Variants in VRK2 observed in about 807,000 individuals in gnomAD.
VRK2 encodes VRK serine/threonine kinase 2, also known as serine/threonine-protein kinase VRK2.
VRK2 carries 60 observed loss-of-function variants against 57.6 expected under a neutral mutation model. The ratio of observed to expected loss-of-function variants is 1.04; its 90% CI spans 0.85 to 1.29. The LOEUF (loss-of-function observed/expected upper bound fraction) is 1.29. VRK2 is among the 50% of genes most tolerant of loss of function. VRK2 has a pLI of 0.00. For missense variants in VRK2, 705 were observed against 588.1 expected (o/e 1.20, Z -2.06); for synonymous variants, 231 against 199.2 (o/e 1.16, Z -1.35).
intron 7 of VRK2, among the ~76,000 whole-genome samples, chr2:58,104,765 C>G (rs1674501666): frequency 6.6e-6 from 1 of 151,638 alleles, no homozygotes; most frequent in African/African-American, 2.4e-5. Context: ...AACCCTAAGC[C>G]CAAAGAACAA....
intron 7 of VRK2, 37 bp downstream of exon 7, chr2:58,089,760 A>G (rs767029278): frequency 7.0e-7 from 1 of 1,437,412 alleles, no homozygotes; most frequent in South Asian, 1.2e-5. Context: ...AAGGTCTTTA[A>G]TGTATGAAAC....
intron 2 of VRK2, among the ~76,000 whole-genome samples, chr2:58,056,650 G>T (rs13432045): frequency 6.6e-6 from 1 of 152,218 alleles, no homozygotes; most frequent in Middle Eastern, 3.4e-3. Flanking sequence ...TCTGCATCAC[G>T]TGTTTGAGGA....
chr2:57,939,800 T>C (rs1671034954), intron 1 of VRK2, among the ~76,000 whole-genome samples: 2 of 152,310 alleles, frequency 1.3e-5, no homozygotes, highest in African/African-American at 4.8e-5. Flanking sequence ...GTAGAACACT[T>C]AGTTCTTATG....
chr2:58,147,453 C>T (rs1374232100), intron 12 of VRK2, among the ~76,000 whole-genome samples: 1 of 151,932 alleles, frequency 6.6e-6, no homozygotes, highest in African/African-American at 2.4e-5. Context: ...ACAAATCGTG[C>T]TTGGTGACAA....
intron 7 of VRK2, among the ~76,000 whole-genome samples, chr2:58,107,863 C>G (rs769361721): frequency 2.2e-4 from 34 of 152,128 alleles, no homozygotes; most frequent in Non-Finnish European, 4.1e-4. Context: ...TCTCCTACTT[C>G]TTATATCAAC....
chr2:57,980,778 A>T (rs1437633799), intron 1 of VRK2, among the ~76,000 whole-genome samples: 3 of 152,220 alleles, frequency 2.0e-5, no homozygotes, highest in African/African-American at 7.2e-5. Flanking sequence ...CTTTATCAAT[A>T]CATAATGCCC....
chr2:58,154,652 G>C (rs1683522386), intron 12 of VRK2: 5 of 688,112 alleles, frequency 7.3e-6, no homozygotes, highest in South Asian at 1.6e-5. Flanking sequence ...GGGTCTCTTT[G>C]ACCCATTTAA....
upstream of VRK2, chr2:58,046,793 C>T: frequency 2.0e-6 from 2 of 985,604 alleles, no homozygotes; most frequent in Non-Finnish European, 2.4e-6. Flanking sequence ...GACTGTAGGC[C>T]CGGGGGCTCC....
At chr2:58,137,157 T>TATATATATCATATATCATATATATC (rs1558686517) in intron 10 of VRK2, among the ~76,000 whole-genome samples, 3 of 53,714 alleles carry the variant, frequency 5.6e-5, no homozygotes, top group African/African-American at 5.0e-4. Context: ...ATCATGTGTT[T>TATATATATCATATATCATATATATC]ATATATATCA....
intron 2 of VRK2, among the ~76,000 whole-genome samples, chr2:58,078,622 C>T (rs1013603562): frequency 6.6e-6 from 1 of 152,008 alleles, no homozygotes; most frequent in African/African-American, 2.4e-5. Flanking sequence ...CAACGGTGCA[C>T]AAGAGTTCCA....
At chr2:58,004,281 T>A (rs1163905445) in intron 1 of VRK2, among the ~76,000 whole-genome samples, 1 of 152,130 alleles carries the variant, frequency 6.6e-6, no homozygotes. Context: ...CTTGAAGCCA[T>A]AGAGGTACTA....
chr2:58,005,271 T>C (rs1340084281), intron 1 of VRK2, among the ~76,000 whole-genome samples: 1 of 152,170 alleles, frequency 6.6e-6, no homozygotes, highest in East Asian at 1.9e-4. Context: ...TAAAATATTA[T>C]CTAAATAGAT....
chr2:58,048,266 A>C (rs914023662), intron 1 of VRK2, among the ~76,000 whole-genome samples: 1 of 152,148 alleles, frequency 6.6e-6, no homozygotes, highest in Admixed American at 6.5e-5. Context: ...CCGAGAACTG[A>C]TGGCCTAGTA....
intron 1 of VRK2, among the ~76,000 whole-genome samples, chr2:57,969,451 A>T (rs569047864): frequency 1.3e-5 from 2 of 152,136 alleles, no homozygotes; most frequent in East Asian, 3.9e-4. Context: ...TACACTTTTA[A>T]TTTAAAAAAA....
chr2:58,007,616 A>G (rs1017853275), intron 1 of VRK2, among the ~76,000 whole-genome samples: 1 of 152,156 alleles, frequency 6.6e-6, no homozygotes, highest in Non-Finnish European at 1.5e-5. Context: ...TATAACATAC[A>G]AAATATGTGT....
At chr2:58,018,936 T>A (rs948944375) in intron 1 of VRK2, among the ~76,000 whole-genome samples, 7 of 152,242 alleles carry the variant, frequency 4.6e-5, no homozygotes, top group African/African-American at 7.2e-5. Context: ...ACATTAGTTA[T>A]GTGTCCCCTT....
intron 7 of VRK2, among the ~76,000 whole-genome samples, chr2:58,109,194 C>A (rs1675194179): frequency 6.6e-6 from 1 of 152,104 alleles, no homozygotes; most frequent in South Asian, 2.1e-4. Context: ...TTCAAACCAA[C>A]TGTGCAGAAG....
chr2:58,093,522 T>A (rs2104272465), intron 7 of VRK2, among the ~76,000 whole-genome samples: 1 of 152,328 alleles, frequency 6.6e-6, no homozygotes, highest in East Asian at 1.9e-4. Flanking sequence ...TTTGTTTTTT[T>A]CTTGTAAATT....
chr2:58,038,395 T>C (rs751972807), intron 3 of VRK2, among the ~76,000 whole-genome samples: 1 of 152,160 alleles, frequency 6.6e-6, no homozygotes, highest in Admixed American at 6.5e-5. Context: ...TATTCCTTAA[T>C]AGCAGTGTGA....
Sources: gnomAD v4.1 joint callset for allele counts (sites outside exome capture counted in the v4.1 genomes callset) on GRCh38, gnomAD v4.1.1 for gene constraint, MANE v1.5 for transcripts, NCBI Gene and HGNC (gene_info 2026-07-23, HGNC 2026-07-21) for gene names.